NTRK2: variants seen among roughly 807,000 people sequenced by gnomAD.
NTRK2 encodes the protein BDNF/NT-3 growth factors receptor.
NTRK2 carries 13 observed loss-of-function variants against 94.5 expected under a neutral mutation model. The observed-to-expected ratio is 0.14, with a 90% CI of 0.09 to 0.22. NTRK2 has a LOEUF of 0.22. NTRK2 is among the 10% of genes least tolerant of loss of function. NTRK2 has a pLI of 1.00. For missense variants in NTRK2, 639 were observed against 1,071.2 expected, an observed-to-expected ratio of 0.60 and a Z score of 5.63; for synonymous variants, 372 against 407.4, an observed-to-expected ratio of 0.91 and a Z score of 1.05.
At chr9:84,928,794 G>A (rs1051017714) in intron 14 of NTRK2, among the ~76,000 whole-genome samples, 2 of 152,140 alleles carry the variant, frequency 1.3e-5, no homozygotes, top group Non-Finnish European at 1.5e-5. Context: ...CAGGGAAACC[G>A]AGAGAGAGAA....
chr9:84,997,446 G>T (rs1829882402), intron 17 of NTRK2, among the ~76,000 whole-genome samples: 1 of 152,210 alleles, frequency 6.6e-6, no homozygotes, highest in African/African-American at 2.4e-5. Context: ...TCAGACCCAG[G>T]TATCTTAGGA....
chr9:84,743,415 A>C (rs762968990), intron 10 of NTRK2, among the ~76,000 whole-genome samples: 48 of 152,252 alleles, frequency 3.2e-4, no homozygotes, highest in South Asian at 8.3e-4. Context: ...GTGTGTATTT[A>C]ACCTGAGCTA....
intron 2 of NTRK2, among the ~76,000 whole-genome samples, chr9:84,675,881 G>T (rs908998059): frequency 5.3e-5 from 8 of 151,990 alleles, no homozygotes; most frequent in African/African-American, 1.7e-4. Flanking sequence ...CATATAACTG[G>T]GTGCCTTCTC....
intron 4 of NTRK2, among the ~76,000 whole-genome samples, chr9:84,704,225 C>CTTTTTTTT (rs773413015): frequency 6.4e-5 from 6 of 93,718 alleles, no homozygotes; most frequent in East Asian, 3.1e-4. Flanking sequence ...TGGTGGTATT[C>CTTTTTTTT]TTTTTTTTTT....
rs3739570 is a variant in NTRK2 at position 85,022,663 on chromosome 9, G to A, written c.*1226G>A. 29,507 of 233,128 alleles carry A rather than the reference G, an allele frequency of 0.13. 3,191 individuals carry two copies. The highest frequency in any genetic ancestry group is 0.5 in the East Asian group (8,209 of 16,566). The allele number at this position is 233,128 out of a possible 1,614,324, so 14.4% of individuals were successfully genotyped here. ...TTCGTCGATTAATACCTTGTGTGCAGACACTACTGCTCCAGACGTCGTTTC... is the reference window on the plus strand; with the variant it reads ...TTCGTCGATTAATACCTTGTGTGCAAACACTACTGCTCCAGACGTCGTTTC... On this transcript the variant is annotated 3_prime_UTR_variant, in exon 19 of 19. Coordinates refer to ENST00000277120, the MANE Select transcript of NTRK2 (RefSeq NM_006180.6).
intron 12 of NTRK2, among the ~76,000 whole-genome samples, chr9:84,805,869 A>G (rs996623783): frequency 1.3e-5 from 2 of 152,230 alleles, no homozygotes; most frequent in African/African-American, 4.8e-5. Flanking sequence ...TGGGCATGTC[A>G]TGCCCTGTAC....
intron 12 of NTRK2, among the ~76,000 whole-genome samples, chr9:84,858,168 C>T (rs2075156021): frequency 1.3e-5 from 2 of 152,076 alleles, no homozygotes; most frequent in Non-Finnish European, 2.9e-5. Context: ...TTCCCCAATA[C>T]CCAGTTCAGG....
At chr9:84,699,514 G>T (rs1417057407) in intron 2 of NTRK2, among the ~76,000 whole-genome samples, 5 of 152,098 alleles carry the variant, frequency 3.3e-5, no homozygotes, top group Admixed American at 3.3e-4. Flanking sequence ...TTCCTGTCTG[G>T]TCTTAGATTT....
At chr9:84,722,055 G>T (rs191885630) in intron 6 of NTRK2, among the ~76,000 whole-genome samples, 12 of 151,778 alleles carry the variant, frequency 7.9e-5, no homozygotes, top group Non-Finnish European at 1.5e-4. Context: ...CTCATCTAAG[G>T]CCACAAAGTT....
intron 14 of NTRK2, chr9:84,877,370 G>A (rs2076105334): frequency 1.9e-6 from 2 of 1,066,072 alleles, no homozygotes; most frequent in Non-Finnish European, 2.3e-6. Context: ...TGGGGGATTA[G>A]TTCATATGGT....
At chr9:84,968,636 A>G (rs763210640) in intron 17 of NTRK2, among the ~76,000 whole-genome samples, 7 of 152,176 alleles carry the variant, frequency 4.6e-5, no homozygotes, top group Non-Finnish European at 1.0e-4. Flanking sequence ...CACTTTCAAT[A>G]TGTGTACAGT....
intron 14 of NTRK2, among the ~76,000 whole-genome samples, chr9:84,908,009 C>G (rs2077126501): frequency 6.6e-6 from 1 of 152,192 alleles, no homozygotes. Context: ...CTGTGTTTAT[C>G]ATTGACCAAG....
intron 12 of NTRK2, among the ~76,000 whole-genome samples, chr9:84,767,790 A>G (rs955063968): frequency 1.3e-5 from 2 of 152,138 alleles, no homozygotes; most frequent in Non-Finnish European, 2.9e-5. Context: ...TTTCCCCCAA[A>G]TATCTGGGAA....
intron 17 of NTRK2, among the ~76,000 whole-genome samples, chr9:84,987,185 A>G (rs1744623385): frequency 6.6e-6 from 1 of 152,224 alleles, no homozygotes; most frequent in Non-Finnish European, 1.5e-5. Context: ...CTCTGAAAGA[A>G]CATTCTTGAA....
chr9:84,839,157 A>G (rs915341515), intron 12 of NTRK2, among the ~76,000 whole-genome samples: 7 of 152,204 alleles, frequency 4.6e-5, no homozygotes, highest in African/African-American at 1.7e-4. Context: ...CTTTGTCAGA[A>G]AGTTTCTGTT....
At chr9:84,872,941 G>C (rs1044367522) in intron 14 of NTRK2, 1 of 1,064,920 alleles carries the variant, frequency 9.4e-7, no homozygotes, top group Admixed American at 5.3e-5. Context: ...AAGGGGAAAG[G>C]CTGGAGGTGA....
rs573501110 is a variant in NTRK2, at chr9:84,850,776, G to A, written c.1397-10264G>A. Among the ~76,000 whole-genome samples the A allele has an allele frequency of 1.8e-4, 28 of 152,268 alleles. 1 individual carries two copies. The South Asian group carries it at 3.7e-3, about 20-fold the overall frequency. On this transcript the variant is annotated intron_variant, in intron 12 of 18. Transcript: ENST00000277120. ...TACCCCTCTGTTCTGAGGCAGAAAC[G>A]CCCTTTTGGTGTTGGGAGCAGTAGA...
At chr9:84,890,204 T>A (rs1047141764) in intron 14 of NTRK2, among the ~76,000 whole-genome samples, 1 of 152,110 alleles carries the variant, frequency 6.6e-6, no homozygotes, top group Non-Finnish European at 1.5e-5. Flanking sequence ...TCACCTTAGG[T>A]CACACTAGGT....
chr9:84,797,620 C>CTATATATTATATATATTATATATAA lies in NTRK2; in HGVS notation c.1396+45549_1396+45550insATTATATATAATATATATTATATAT, dbSNP rs1554730803. ...CTATATATTATATATAATATATATA[C>CTATATATTATATATATTATATATAA]TATATATTATATATTATATATACTA... On this transcript the variant is annotated intron_variant, in intron 12 of 18. Coordinates refer to ENST00000277120, the MANE Select transcript of NTRK2 (RefSeq NM_006180.6). 7.9e-5 allele frequency among the ~76,000 whole-genome samples: 5 copies of CTATATATTATATATATTATATATAA among 63,214 alleles called. No individual in the cohort carries two copies. The East Asian group carries it at 2.0e-3, about 26-fold the overall frequency. 41.5% of individuals were successfully genotyped at this position (63,214 alleles called of 152,430 possible). A position where few individuals can be genotyped will look rare whatever the true frequency, so the allele number is the denominator to read the frequency against.
Sources: allele counts gnomAD v4.1 joint callset (sites outside exome capture counted in the v4.1 genomes callset), GRCh38; gene constraint gnomAD v4.1.1; transcripts MANE v1.5; gene names NCBI Gene and HGNC (gene_info 2026-07-23, HGNC 2026-07-21).